The following SCN9A variants were observed in gnomAD, a reference collection of about 807,000 sequenced individuals.
SCN9A encodes the protein sodium voltage-gated channel alpha subunit 9.
A neutral mutation model predicts 187.0 loss-of-function variants in SCN9A; 131 were observed. The ratio of observed to expected loss-of-function variants is 0.70; its 90% CI spans 0.61 to 0.81. SCN9A has a LOEUF of 0.81. Ranked by LOEUF, SCN9A falls within the 30% of genes least tolerant of loss-of-function variation. SCN9A has a pLI of 0.00. For synonymous variants in SCN9A, 809 were observed against 808.6 expected (o/e 1.00, Z -0.01); for missense variants, 2,252 against 2,396.6 (o/e 0.94, Z 1.26).
chr2:166,370,271 CG>C (rs1442629514), intron 1 of SCN9A, among the ~76,000 whole-genome samples: 1 of 143,392 alleles, frequency 7.0e-6, no homozygotes, highest in Non-Finnish European at 1.5e-5. Flanking sequence ...GGGCTGAGCG[CG>C]GTGGCTCATG....
intron 24 of SCN9A, 26 bp downstream of exon 24, chr2:166,226,541 C>T (rs770555839): frequency 3.4e-6 from 5 of 1,456,216 alleles, no homozygotes; most frequent in Non-Finnish European, 9.4e-7. Context: ...CCTTTCATTA[C>T]AATGAAAAAT....
At chr2:166,330,726 C>T (rs1699480693) in intron 1 of SCN9A, among the ~76,000 whole-genome samples, 1 of 152,160 alleles carries the variant, frequency 6.6e-6, no homozygotes, top group Non-Finnish European at 1.5e-5. Flanking sequence ...GAGTGTGCAA[C>T]TTAGATCCCT....
chr2:166,242,270 A>G (rs1695599942), intron 19 of SCN9A, among the ~76,000 whole-genome samples: 1 of 150,300 alleles, frequency 6.7e-6, no homozygotes, highest in African/African-American at 2.4e-5. Flanking sequence ...CTTTTCTATT[A>G]TAGCCATCTG....
chr2:166,354,110 T>C (rs1700099913), intron 1 of SCN9A, among the ~76,000 whole-genome samples: 1 of 152,154 alleles, frequency 6.6e-6, no homozygotes, highest in African/African-American at 2.4e-5. Context: ...TTTACAATAA[T>C]CCATAACTAT....
At position 166,238,244 on chromosome 2, in the gene SCN9A, T is replaced by C; in HGVS notation, c.3651A>G (p.Glu1217=). ...GGATAATCTTAATGGTCTTTTTCCT[T>C]TCAATATAAATATCTTCAAAAGCCT... ...GALAFEDIYI[E]RKKTIKIILE... The change falls in exon 20 of 27, where the codon GAA becomes GAG. Residue 1217 remains glutamate (E), a synonymous_variant. Transcript: ENST00000642356. The C allele has an allele frequency of 6.3e-7, 1 of 1,582,098 alleles. No homozygotes were observed. The highest frequency in any genetic ancestry group is 8.6e-7 in the Non-Finnish European group (1 of 1,164,294).
At chr2:166,222,959 A>AAAAAAAAAAAAAAAC (rs1558960927) in intron 24 of SCN9A, among the ~76,000 whole-genome samples, 1 of 146,910 alleles carries the variant, frequency 6.8e-6, no homozygotes, top group Admixed American at 6.8e-5. Context: ...AAAAAAAAAA[A>AAAAAAAAAAAAAAAC]AAAAAAAAAA....
At chr2:166,341,192 T>C (rs1699777156) in intron 1 of SCN9A, among the ~76,000 whole-genome samples, 1 of 152,204 alleles carries the variant, frequency 6.6e-6, no homozygotes, top group Non-Finnish European at 1.5e-5. Context: ...GTCAAGCAAA[T>C]GGAAATTTCA....
At chr2:166,311,829 A>G in intron 1 of SCN9A, 23 bp from the exon 2 acceptor site, 2 of 1,415,956 alleles carry the variant, frequency 1.4e-6, no homozygotes, top group Non-Finnish European at 1.9e-6. Flanking sequence ...AAAGAAATAA[A>G]GACTTAACTA....
chr2:166,304,030 C>T (rs1225026631), intron 6 of SCN9A: 4 of 1,613,010 alleles, frequency 2.5e-6, no homozygotes, highest in Admixed American at 1.7e-5. Context: ...CCCACTCTCA[C>T]CTGGAATGAC....
chr2:166,311,329 CCT>C (rs72330491), intron 2 of SCN9A, among the ~76,000 whole-genome samples, 168 bp downstream of exon 2: 2,400 of 47,616 alleles, frequency 0.05, 428 homozygotes, highest in Middle Eastern at 0.074. Context: ...TTCTGAATAT[CCT>C]ATATATATAT....
At chr2:166,235,851 TACATACCCCTGA>T (rs143288968) in intron 20 of SCN9A, among the ~76,000 whole-genome samples, 3,127 of 152,198 alleles carry the variant, frequency 0.021, 117 homozygotes, top group African/African-American at 0.072. Flanking sequence ...TTCTGCACAT[TACATACCCCTGA>T]ACAGGAGGTT....
intron 17 of SCN9A, among the ~76,000 whole-genome samples, chr2:166,272,093 C>T (rs923391104): frequency 5.3e-5 from 8 of 152,020 alleles, no homozygotes; most frequent in Non-Finnish European, 1.0e-4. Flanking sequence ...TGGATTCAAA[C>T]AGGCACTGTG....
intron 1 of SCN9A, among the ~76,000 whole-genome samples, chr2:166,337,268 T>C (rs1366241142): frequency 6.6e-6 from 1 of 152,096 alleles, no homozygotes; most frequent in East Asian, 1.9e-4. Context: ...CAGTGATTTC[T>C]TATGAGAGGA....
chr2:166,238,599 C>T (rs6758728), intron 19 of SCN9A, among the ~76,000 whole-genome samples: 131,049 of 152,116 alleles, frequency 0.86, 56,535 homozygotes, highest in East Asian at 0.95. Flanking sequence ...TAAGTCCTAG[C>T]AATTTAAGAC....
At chr2:166,340,891 G>A (rs926722304) in intron 1 of SCN9A, among the ~76,000 whole-genome samples, 12 of 152,158 alleles carry the variant, frequency 7.9e-5, no homozygotes, top group African/African-American at 2.9e-4. Context: ...CCAAAGTGCT[G>A]GGATTGCAGG....
chr2:166,370,252 T>TCATCA (rs1700523481), intron 1 of SCN9A, among the ~76,000 whole-genome samples: 1 of 149,550 alleles, frequency 6.7e-6, no homozygotes, highest in African/African-American at 2.4e-5. Flanking sequence ...ATCATCATCA[T>TCATCA]TAGATAATGG....
chr2:166,238,219 G>A lies in SCN9A; in HGVS notation c.3676C>T (p.Leu1226=). 3 of 1,600,160 alleles carry A rather than the reference G, an allele frequency of 1.9e-6. No individual in the cohort carries two copies. ...IERKKTIKII[L]EYADKIFTYI... ...GTGAAGATCTTGTCTGCATACTCCAGGATAATCTTAATGGTCTTTTTCCTT... is the reference window on the plus strand; with the variant it reads ...GTGAAGATCTTGTCTGCATACTCCAAGATAATCTTAATGGTCTTTTTCCTT... Residue 1226 remains leucine, a synonymous_variant, in exon 20 of 27, where the codon CTG becomes TTG. Coordinates refer to ENST00000642356, the MANE Select transcript of SCN9A (RefSeq NM_001365536.1).
At chr2:166,359,117 C>A (rs1325773565) in intron 1 of SCN9A, among the ~76,000 whole-genome samples, 1 of 152,054 alleles carries the variant, frequency 6.6e-6, no homozygotes, top group Non-Finnish European at 1.5e-5. Flanking sequence ...CTATGTAGGT[C>A]ACCATACTAT....
At chr2:166,315,097 G>A (rs1433069064) in intron 1 of SCN9A, among the ~76,000 whole-genome samples, 1 of 152,152 alleles carries the variant, frequency 6.6e-6, no homozygotes, top group Non-Finnish European at 1.5e-5. Flanking sequence ...TCAAATCAAA[G>A]CAGTTGCCAC....
Sources: allele counts gnomAD v4.1 joint callset (sites outside exome capture counted in the v4.1 genomes callset), GRCh38; gene constraint gnomAD v4.1.1; transcripts MANE v1.5; gene names NCBI Gene and HGNC (gene_info 2026-07-23, HGNC 2026-07-21).